The following HJURP variants were observed in gnomAD, a reference collection of about 807,000 sequenced individuals.
The protein encoded by HJURP is 14-3-3-associated AKT substrate.
A neutral mutation model predicts 72.0 loss-of-function variants in HJURP; 49 were observed. That is an observed-to-expected ratio of 0.68 (90% confidence interval 0.54 to 0.86). The LOEUF (loss-of-function observed/expected upper bound fraction) is 0.86, where lower values mean the gene tolerates loss of function less well. HJURP is among the 40% of genes least tolerant of loss of function. HJURP has a pLI of 0.00. For synonymous variants in HJURP, 357 were observed against 347.1 expected, an observed-to-expected ratio of 1.03 and a Z score of -0.32; for missense variants, 908 against 936.3, an observed-to-expected ratio of 0.97 and a Z score of 0.39.
In HJURP at chr2:233,852,545, T is replaced by C; in HGVS notation, c.240+20A>G. On this transcript the variant is annotated intron_variant, in intron 3 of 8. Coordinates refer to ENST00000411486, the MANE Select transcript of HJURP (RefSeq NM_018410.5). ...CCTCCACAGCAAGGTTATTTGGCAA[T>C]AAAATTTGACACTAAATACCTGGAT... 1 of 1,558,972 alleles carries C rather than the reference T, an allele frequency of 6.4e-7. No individual in the cohort carries two copies. The highest frequency in any genetic ancestry group is 2.2e-5 in the East Asian group (1 of 44,664).
chr2:233,840,493 G>T, intron 8 of HJURP, 116 bp downstream of exon 8: 2 of 1,061,582 alleles, frequency 1.9e-6, no homozygotes, highest in Non-Finnish European at 2.8e-6. Flanking sequence ...GATCACGTAT[G>T]TAAGAATTCG....
chr2:233,839,321 G>A (rs1308926198), intron 8 of HJURP, among the ~76,000 whole-genome samples: 1 of 152,238 alleles, frequency 6.6e-6, no homozygotes. Context: ...CACGGAGCAG[G>A]CAGCTGAGCG....
intron 5 of HJURP, 98 bp downstream of exon 5, chr2:233,847,299 G>T (rs1705385226): frequency 1.1e-6 from 1 of 881,382 alleles, no homozygotes; most frequent in East Asian, 2.5e-5. Flanking sequence ...CCAGAAAAGT[G>T]CAGGCAGCGC....
rs1456001877 is a variant in HJURP at position 233,841,142 on chromosome 2, T to C, written c.1638A>G (p.Gly546=). 1.9e-5 allele frequency: 31 copies of C among 1,614,044 alleles called. No individual in the cohort carries two copies. The highest frequency in any genetic ancestry group is 2.5e-5 in the Non-Finnish European group (30 of 1,180,034). The change falls in exon 8 of 9, where the codon GGA becomes GGG. Residue 546 remains glycine, a synonymous_variant. Transcript: ENST00000411486. ...ACTTTCTAAATATTCCAGAACTATT[T>C]CCCTGAACGTGAAGGTCAGATGTCT... is the stretch of plus-strand genomic sequence containing the variant. ...PQQTSDLHVQ[G]NSSGIFRKSV...
At chr2:233,837,802 T>A (rs1705115206) in intron 8 of HJURP, 150 bp from the exon 9 acceptor site, 2 of 623,090 alleles carry the variant, frequency 3.2e-6, no homozygotes, top group Non-Finnish European at 2.8e-6. Flanking sequence ...AAGTAAGTTA[T>A]GTTAAAGAAA....
chr2:233,847,485 C>T, intron 4 of HJURP, 24 bp from the exon 5 acceptor site: 1 of 1,605,718 alleles, frequency 6.2e-7, no homozygotes. Flanking sequence ...AAGTAAATCT[C>T]AATCAGGATT....
chr2:233,838,167 T>C (rs1157561743), intron 8 of HJURP, among the ~76,000 whole-genome samples: 2 of 152,178 alleles, frequency 1.3e-5, no homozygotes, highest in African/African-American at 2.4e-5. Context: ...AATCTATCAT[T>C]TAAGCGGGAA....
At position 233,840,924 on chromosome 2, in the gene HJURP, T is replaced by C. The variant is rs1316572001; in HGVS notation, c.1856A>G (p.Gln619Arg). Residue 619 changes from glutamine (Q) to arginine (R), a missense_variant, in exon 8 of 9, where the codon CAA becomes CGA. By Grantham distance (43) the Gln-to-Arg change is conservative. Coordinates refer to ENST00000411486, the MANE Select transcript of HJURP (RefSeq NM_018410.5). The part of the protein sequence containing the change: ...TDKASMEVRY[Q>R]TEGFLGKLNP... ...TAATTTTCCTAAGAAGCCTTCTGTTTGATATCGAACTTCCATACTTGCTTT... is the reference window on the plus strand; with the variant it reads ...TAATTTTCCTAAGAAGCCTTCTGTTCGATATCGAACTTCCATACTTGCTTT... 1 of 1,614,166 alleles carries C rather than the reference T, an allele frequency of 6.2e-7. No homozygotes were observed. Among genetic ancestry groups the C allele is most frequent in the South Asian group, 1.1e-5 (1 of 91,080 alleles).
At position 233,840,751 on chromosome 2, in the gene HJURP, G is replaced by A; in HGVS notation, c.2029C>T (p.Gln677Ter). The part of the protein sequence containing the change: ...AITRDGTRDH[Q>*]FPAKRPRLSE... ...AGCCTGGGTCTTTTTGCAGGGAACTGATGGTCCCTCGTGCCATCCCTCGTG... is the reference window on the plus strand; with the variant it reads ...AGCCTGGGTCTTTTTGCAGGGAACTAATGGTCCCTCGTGCCATCCCTCGTG... Residue 677 changes from glutamine to a stop codon, truncating the protein, a stop_gained, in exon 8 of 9, where the codon CAG (glutamine) becomes TAG (stop). Coordinates refer to ENST00000411486, the MANE Select transcript of HJURP (RefSeq NM_018410.5). LOFTEE classifies it high-confidence loss of function. 1 of 1,614,064 alleles carries A rather than the reference G, an allele frequency of 6.2e-7. No homozygotes were observed. The highest frequency in any genetic ancestry group is 8.5e-7 in the Non-Finnish European group (1 of 1,179,958).
Position 233,854,474 on chromosome 2 carries a change from C to T in HJURP, c.27G>A (p.Glu9=), listed in dbSNP as rs1432837005. MLGTLRAM[E]GEDVEDDQLL... ...GCTGGTCGTCTTCCACGTCCTCGCC[C>T]TCCATGGCGCGCAGCGTACCCAGCA... The change falls in exon 1 of 9, where the codon GAG becomes GAA. Residue 9 remains glutamate, a synonymous_variant. Coordinates refer to ENST00000411486, the MANE Select transcript of HJURP (RefSeq NM_018410.5). 3.1e-6 allele frequency: 5 copies of T among 1,612,474 alleles called. No individual in the cohort carries two copies. In the South Asian group the frequency reaches 4.4e-5, roughly 14 times the overall value.
chr2:233,838,063 A>G (rs1338478404), intron 8 of HJURP, among the ~76,000 whole-genome samples: 6 of 152,278 alleles, frequency 3.9e-5, no homozygotes, highest in Admixed American at 3.9e-4. Context: ...AAAACGGTTC[A>G]GCATGGCCTG....
intron 7 of HJURP, 152 bp from the exon 8 acceptor site, chr2:233,842,357 C>T: frequency 4.8e-6 from 3 of 622,544 alleles, no homozygotes; most frequent in African/African-American, 1.8e-5. Context: ...GTAGACTCTT[C>T]TCAGAGATAT....
chr2:233,852,767 C>T (rs184621035), intron 2 of HJURP, 147 bp from the exon 3 acceptor site: 27 of 600,078 alleles, frequency 4.5e-5, no homozygotes, highest in African/African-American at 4.1e-4. Flanking sequence ...TGCGATTGTT[C>T]CTCTTTGTAA....
intron 3 of HJURP, among the ~76,000 whole-genome samples, chr2:233,851,885 A>G (rs1035073331): frequency 6.6e-6 from 1 of 152,146 alleles, no homozygotes; most frequent in Non-Finnish European, 1.5e-5. Flanking sequence ...AGGTTCCTTG[A>G]CCTGTGACCA....
chr2:233,854,359 C>CCCGGCGGA (rs1559500686), intron 1 of HJURP, 25 bp downstream of exon 1: 2 of 1,556,910 alleles, frequency 1.3e-6, no homozygotes, highest in Non-Finnish European at 1.8e-6. Flanking sequence ...GGCCTCCCCT[C>CCCGGCGGA]CCGGCGGACC....
In HJURP at chr2:233,847,454, T is replaced by G. The variant is rs868435680; in HGVS notation, c.345A>C (p.Lys115Asn). ...CTGACGTGGCATCGACCTCACCGCT[T>G]TTTGAATCTAAAAGTCAAACAAGTA... ...SHRTVLGADS[K>N]SGEVDATSDQ... Residue 115 changes from lysine (K) to asparagine (N), a missense_variant, in exon 5 of 9, where the codon AAA (lysine) becomes AAC (asparagine). By Grantham distance (94) the Lys-to-Asn change is moderately conservative. Coordinates refer to ENST00000411486, the MANE Select transcript of HJURP (RefSeq NM_018410.5). 6.2e-7 allele frequency: 1 copy of G among 1,614,018 alleles called. No individual in the cohort carries two copies. Among genetic ancestry groups the G allele is most frequent in the Non-Finnish European group, 8.5e-7 (1 of 1,179,838 alleles).
At chr2:233,852,443 G>A (rs1420432194) in intron 3 of HJURP, 122 bp downstream of exon 3, 1 of 673,098 alleles carries the variant, frequency 1.5e-6, no homozygotes, top group East Asian at 2.6e-5. Context: ...GTATAATCAT[G>A]AGAAAAAGTG....
Position 233,842,016 on chromosome 2 carries a change from A to G in HJURP, c.764T>C (p.Ile255Thr), listed in dbSNP as rs371286225. 4.2e-5 allele frequency: 68 copies of G among 1,614,206 alleles called. No individual in the cohort carries two copies. The highest frequency in any genetic ancestry group is 1.6e-4 in the Middle Eastern group (1 of 6,062). The change falls in exon 8 of 9, where the codon ATT becomes ACT. Residue 255 changes from isoleucine to threonine, a missense_variant. Around this residue, in one of 3 missense-constraint regions of HJURP, gnomAD observed 598 missense variants for 619.5 expected, o/e 0.97. Transcript: ENST00000411486. The part of the protein sequence containing the change: ...LSSQPFEDDD[I>T]CNVTISDLYA... ...CAGGTCACTGATGGTCACATTGCAA[A>G]TGTCATCATCTTCAAAGGGCTGGCT... is the stretch of plus-strand genomic sequence containing the variant.
intron 4 of HJURP, 55 bp downstream of exon 4, chr2:233,849,708 G>T: frequency 1.8e-6 from 2 of 1,100,926 alleles, no homozygotes; most frequent in Non-Finnish European, 1.3e-6. Context: ...GTTGTAACAG[G>T]TGCGTCAGAC....
Sources: gnomAD v4.1 joint callset for allele counts (sites outside exome capture counted in the v4.1 genomes callset) on GRCh38, gnomAD v4.1.1 for gene constraint, gnomAD v4.1.1 regional missense constraint, MANE v1.5 for transcripts, NCBI Gene and HGNC (gene_info 2026-07-23, HGNC 2026-07-21) for gene names.